Variants in PTPRD observed in about 807,000 individuals in gnomAD.
The protein encoded by PTPRD is receptor-type tyrosine-protein phosphatase delta.
PTPRD carries 34 observed loss-of-function variants against 214.5 expected under a neutral mutation model. That is an observed-to-expected ratio of 0.16 (90% CI 0.12 to 0.21). The LOEUF is 0.21. Ranked by LOEUF, PTPRD falls within the 10% of genes least tolerant of loss-of-function variation. PTPRD has a pLI of 1.00. For missense variants in PTPRD, 2,545 were observed against 2,398.7 expected (o/e 1.06, Z -1.27); for synonymous variants, 1,128 against 845.7 (o/e 1.33, Z -5.79).
chr9:9,526,287 G>C (rs2074102817), intron 8 of PTPRD, among the ~76,000 whole-genome samples: 1 of 152,092 alleles, frequency 6.6e-6, no homozygotes, highest in Admixed American at 6.5e-5. Flanking sequence ...GTGCTTTTAT[G>C]ACTATTTACA....
intron 14 of PTPRD, among the ~76,000 whole-genome samples, chr9:8,625,770 G>T (rs1367183336): frequency 6.6e-6 from 1 of 151,278 alleles, no homozygotes; most frequent in Non-Finnish European, 1.5e-5. Flanking sequence ...AGAAAGGCAT[G>T]GAAAGTTTTT....
chr9:9,826,794 G>T (rs1193058495), intron 5 of PTPRD, among the ~76,000 whole-genome samples: 1 of 152,030 alleles, frequency 6.6e-6, no homozygotes, highest in African/African-American at 2.4e-5. Context: ...AAGCTAATAA[G>T]CAACTTCAGC....
intron 3 of PTPRD, among the ~76,000 whole-genome samples, chr9:10,041,103 A>G (rs1390048621): frequency 6.6e-6 from 1 of 152,096 alleles, no homozygotes; most frequent in East Asian, 1.9e-4. Context: ...TCTCTAAAAG[A>G]AAAATATATT....
In PTPRD at chr9:8,485,247, T is replaced by G. The variant is rs1427754573; in HGVS notation, c.3133A>C (p.Asn1045His). The change falls in exon 29 of 46, where the codon AAC (asparagine) becomes CAC (histidine). Residue 1045 changes from asparagine to histidine, a missense_variant. Asn to His is a moderately conservative substitution (Grantham distance 68, BLOSUM62 1). Transcript: ENST00000381196. ...CTTACTTTGAAAGGCATGGCGGAGTTATAATTCTCTGGAATCTCCCAAGAC... is the reference window on the plus strand; with the variant it reads ...CTTACTTTGAAAGGCATGGCGGAGTGATAATTCTCTGGAATCTCCCAAGAC... ...LLSWEIPENY[N>H]SAMPFKILYD... is the part of the protein sequence containing the mutation. The G allele has an allele frequency of 1.9e-6, 3 of 1,613,926 alleles. No individual in the cohort carries two copies. The highest frequency in any genetic ancestry group is 2.5e-6 in the Non-Finnish European group (3 of 1,179,914).
chr9:8,472,205 T>C (rs1489101344), intron 30 of PTPRD, among the ~76,000 whole-genome samples: 2 of 152,190 alleles, frequency 1.3e-5, no homozygotes, highest in Admixed American at 6.6e-5. Flanking sequence ...TTATTTACTC[T>C]ATGTGTCATA....
At chr9:8,747,574 C>T (rs10125895) in intron 11 of PTPRD, among the ~76,000 whole-genome samples, 10,800 of 152,118 alleles carry the variant, frequency 0.071, 1,024 homozygotes, top group African/African-American at 0.22. Flanking sequence ...GAAATGCTTA[C>T]AGAAGGACAC....
chr9:9,066,729 G>A (rs1420546183), intron 10 of PTPRD, among the ~76,000 whole-genome samples: 1 of 152,164 alleles, frequency 6.6e-6, no homozygotes, highest in East Asian at 1.9e-4. Context: ...AGATTGAAAT[G>A]ATACAGCCAT....
At chr9:8,440,471 C>T (rs571663386) in intron 34 of PTPRD, among the ~76,000 whole-genome samples, 8 of 152,208 alleles carry the variant, frequency 5.3e-5, no homozygotes, top group African/African-American at 1.4e-4. Flanking sequence ...CGCGCCACCA[C>T]ACCCGGCTAA....
intron 9 of PTPRD, among the ~76,000 whole-genome samples, chr9:9,389,307 T>A (rs1251231547): frequency 6.6e-6 from 1 of 152,134 alleles, no homozygotes; most frequent in Non-Finnish European, 1.5e-5. Context: ...GATTGGGAGC[T>A]TGAGACCAGC....
chr9:8,328,833 G>A (rs1340428426), intron 44 of PTPRD, among the ~76,000 whole-genome samples: 1 of 151,908 alleles, frequency 6.6e-6, no homozygotes, highest in Non-Finnish European at 1.5e-5. Flanking sequence ...ATTGATACTT[G>A]CGTATGCTTC....
intron 2 of PTPRD, among the ~76,000 whole-genome samples, chr9:10,536,197 T>A (rs909948378): frequency 7.9e-5 from 12 of 152,098 alleles, no homozygotes; most frequent in Non-Finnish European, 8.8e-5. Context: ...GTGATACACA[T>A]ATACAGGTGA....
At chr9:9,927,737 A>G (rs1359043016) in intron 5 of PTPRD, among the ~76,000 whole-genome samples, 1 of 152,156 alleles carries the variant, frequency 6.6e-6, no homozygotes, top group Non-Finnish European at 1.5e-5. Context: ...CAATGTTCAT[A>G]GATTCTTAAT....
chr9:9,708,867 A>G (rs895806672), intron 7 of PTPRD, among the ~76,000 whole-genome samples: 1 of 152,038 alleles, frequency 6.6e-6, no homozygotes, highest in Non-Finnish European at 1.5e-5. Context: ...AATTTAAAAA[A>G]CACAATTTTT....
At chr9:8,439,930 CTTTAAT>C (rs2095486517) in intron 34 of PTPRD, among the ~76,000 whole-genome samples, 2 of 79,314 alleles carry the variant, frequency 2.5e-5, no homozygotes, top group African/African-American at 9.2e-5. Context: ...ACTTGATGTG[CTTTAAT>C]TTTTTTTTTT....
chr9:8,989,158 T>C (rs1286431121), intron 11 of PTPRD, among the ~76,000 whole-genome samples: 1 of 152,084 alleles, frequency 6.6e-6, no homozygotes, highest in Non-Finnish European at 1.5e-5. Flanking sequence ...CAATGTGTAA[T>C]GATCAAATCA....
In PTPRD at chr9:8,449,829, G is replaced by C. The variant is rs2095865790; in HGVS notation, c.3884C>G (p.Ala1295Gly). The C allele has an allele frequency of 6.2e-7, 1 of 1,613,690 alleles. No individual in the cohort carries two copies. The highest frequency in any genetic ancestry group is 1.7e-5 in the Admixed American group (1 of 59,978). Residue 1295 changes from alanine to glycine, a missense_variant, in exon 34 of 46, where the codon GCA becomes GGA. By Grantham distance (60) the Ala-to-Gly change is moderately conservative. Transcript: ENST00000381196. ...IAILLYKRKR[A>G]ESDSRKSSIP... The stretch of plus-strand genomic sequence containing the variant: ...GCTGCTTTTTCTAGAGTCGGACTCT[G>C]CCCTCTTCCTATAGGGGGAAAATAG...
intron 3 of PTPRD, among the ~76,000 whole-genome samples, chr9:10,056,999 GA>G (rs1272845446): frequency 6.6e-6 from 1 of 152,110 alleles, no homozygotes; most frequent in Admixed American, 6.6e-5. Context: ...AACATAAGCA[GA>G]AATATAATGT....
intron 3 of PTPRD, among the ~76,000 whole-genome samples, chr9:10,146,828 G>A (rs2099026043): frequency 6.6e-6 from 1 of 152,040 alleles, no homozygotes; most frequent in Admixed American, 6.6e-5. Context: ...AGTTTTAGTC[G>A]TCCATCCACA....
At chr9:10,507,320 C>T (rs1337193163) in intron 2 of PTPRD, among the ~76,000 whole-genome samples, 1 of 152,068 alleles carries the variant, frequency 6.6e-6, no homozygotes, top group African/African-American at 2.4e-5. Context: ...AATGGAAGAA[C>T]ATTCCATGCT....
Sources: allele counts gnomAD v4.1 joint callset (sites outside exome capture counted in the v4.1 genomes callset), GRCh38; gene constraint gnomAD v4.1.1; transcripts MANE v1.5; gene names NCBI Gene and HGNC (gene_info 2026-07-23, HGNC 2026-07-21).